Variants in SLC9A9 observed in about 807,000 individuals in gnomAD.
SLC9A9 encodes sodium/hydrogen exchanger 9.
In SLC9A9, 62 loss-of-function variants were observed where a neutral mutation model predicts 77.8. That is an observed-to-expected ratio of 0.80 (90% confidence interval 0.65 to 0.98). SLC9A9 has a LOEUF of 0.98. SLC9A9 is among the 50% of genes least tolerant of loss of function. SLC9A9 has a pLI of 0.00. For missense variants in SLC9A9, 775 were observed against 774.9 expected (o/e 1.00, Z 0.00); for synonymous variants, 320 against 283.5 (o/e 1.13, Z -1.29).
intron 2 of SLC9A9, among the ~76,000 whole-genome samples, chr3:143,798,367 A>G (rs960408892): frequency 6.6e-6 from 1 of 152,084 alleles, no homozygotes; most frequent in Non-Finnish European, 1.5e-5. Flanking sequence ...CACCACAGGG[A>G]CACCTGCCTT....
At chr3:143,801,849 C>T (rs1296849940) in intron 2 of SLC9A9, among the ~76,000 whole-genome samples, 1 of 152,184 alleles carries the variant, frequency 6.6e-6, no homozygotes, top group Non-Finnish European at 1.5e-5. Flanking sequence ...ATATGCCTTC[C>T]ACATCCTGCA....
chr3:143,784,389 G>A (rs144762633), intron 4 of SLC9A9, among the ~76,000 whole-genome samples: 1 of 152,262 alleles, frequency 6.6e-6, no homozygotes, highest in Non-Finnish European at 1.5e-5. Context: ...TGGAATGTCA[G>A]TATGTCTAAT....
chr3:143,847,980 T>C, intron 1 of SLC9A9, 168 bp downstream of exon 1: 1 of 722,118 alleles, frequency 1.4e-6, no homozygotes, highest in Non-Finnish European at 2.3e-6. Context: ...TTTCGGCGGC[T>C]TGTCTGTAAA....
chr3:143,329,726 G>A (rs556700743), intron 14 of SLC9A9, among the ~76,000 whole-genome samples: 40 of 152,120 alleles, frequency 2.6e-4, no homozygotes, highest in Non-Finnish European at 5.1e-4. Flanking sequence ...CCTTTTGGAG[G>A]CTGCTGTTCC....
chr3:143,819,605 G>A (rs2009116202), intron 2 of SLC9A9, among the ~76,000 whole-genome samples: 2 of 152,068 alleles, frequency 1.3e-5, no homozygotes, highest in Admixed American at 1.3e-4. Flanking sequence ...CAATGCAACA[G>A]GAGAAGCCTT....
chr3:143,330,832 G>C (rs1017019261), intron 14 of SLC9A9, among the ~76,000 whole-genome samples: 1 of 152,212 alleles, frequency 6.6e-6, no homozygotes, highest in African/African-American at 2.4e-5. Context: ...CGCAGAACAT[G>C]AAAAGCACTT....
At chr3:143,707,058 T>C (rs865785551) in intron 4 of SLC9A9, among the ~76,000 whole-genome samples, 16 of 152,140 alleles carry the variant, frequency 1.1e-4, no homozygotes, top group Middle Eastern at 3.4e-3. Flanking sequence ...CATAAGTGAG[T>C]GTGTTAAGGT....
chr3:143,414,561 T>A (rs979220526), intron 12 of SLC9A9, among the ~76,000 whole-genome samples: 2 of 152,344 alleles, frequency 1.3e-5, no homozygotes, highest in African/African-American at 4.8e-5. Context: ...GTGATTTGTA[T>A]CCAGTGATCT....
At chr3:143,282,506 A>G (rs573650060) in intron 14 of SLC9A9, among the ~76,000 whole-genome samples, 2 of 152,194 alleles carry the variant, frequency 1.3e-5, no homozygotes, top group East Asian at 1.9e-4. Flanking sequence ...CCTCCTTACA[A>G]TATAAGCCTG....
At chr3:143,304,941 C>T (rs903728848) in intron 14 of SLC9A9, among the ~76,000 whole-genome samples, 1 of 152,142 alleles carries the variant, frequency 6.6e-6, no homozygotes, top group African/African-American at 2.4e-5. Context: ...GTTTATAACT[C>T]AGGGTCAACA....
At position 143,357,996 on chromosome 3, in the gene SLC9A9, A is replaced by G. The variant is rs1006957038; in HGVS notation, c.1604+5488T>C. On this transcript the variant is annotated intron_variant, in intron 14 of 15. Transcript: ENST00000316549. ...GTGTGGGATATAAAAAAATTCTGTC[A>G]AGTTTTAGGAGGGGAAGGTTTTTCT... Among the ~76,000 whole-genome samples the G allele has an allele frequency of 5.3e-5, 8 of 149,752 alleles. No homozygotes were observed. The South Asian group carries it at 6.4e-4, about 12-fold the overall frequency.
intron 9 of SLC9A9, among the ~76,000 whole-genome samples, chr3:143,514,642 T>A (rs1455505232): frequency 6.6e-6 from 1 of 152,252 alleles, no homozygotes. Flanking sequence ...TTTTATGTTA[T>A]GGAGACAGCT....
chr3:143,724,638 A>T (rs1207837320), intron 4 of SLC9A9, among the ~76,000 whole-genome samples: 2 of 152,262 alleles, frequency 1.3e-5, no homozygotes, highest in Non-Finnish European at 2.9e-5. Flanking sequence ...AAACTGAAAC[A>T]AAAAGTAGCT....
chr3:143,658,865 T>G (rs1020936908), intron 5 of SLC9A9, among the ~76,000 whole-genome samples: 1 of 152,236 alleles, frequency 6.6e-6, no homozygotes, highest in African/African-American at 2.4e-5. Flanking sequence ...GTGGGGAATG[T>G]TTTCCAGGTC....
intron 14 of SLC9A9, among the ~76,000 whole-genome samples, chr3:143,340,868 A>G (rs2032077563): frequency 6.6e-6 from 1 of 152,200 alleles, no homozygotes; most frequent in African/African-American, 2.4e-5. Flanking sequence ...AAATGTGAAA[A>G]AGAGAGATTG....
At chr3:143,553,339 T>C (rs1380869127) in intron 8 of SLC9A9, among the ~76,000 whole-genome samples, 1 of 152,148 alleles carries the variant, frequency 6.6e-6, no homozygotes, top group African/African-American at 2.4e-5. Context: ...TGCACTGTAC[T>C]TTGGGTTAAA....
At chr3:143,367,998 C>T (rs955482923) in intron 13 of SLC9A9, among the ~76,000 whole-genome samples, 4 of 152,060 alleles carry the variant, frequency 2.6e-5, no homozygotes, top group African/African-American at 9.7e-5. Flanking sequence ...TAAATGGGAA[C>T]TGGTGAGTCA....
intron 6 of SLC9A9, among the ~76,000 whole-genome samples, chr3:143,650,737 G>A (rs973796068): frequency 2.6e-5 from 4 of 152,134 alleles, no homozygotes; most frequent in African/African-American, 9.7e-5. Flanking sequence ...CTCTTGCCAT[G>A]GTGTGAAACA....
chr3:143,405,195 T>C (rs1241770705), intron 12 of SLC9A9, among the ~76,000 whole-genome samples: 2 of 152,198 alleles, frequency 1.3e-5, no homozygotes, highest in African/African-American at 4.8e-5. Context: ...TTGTTGCTAG[T>C]TGTTTCAAGT....
Sources: gnomAD v4.1 joint callset for allele counts (sites outside exome capture counted in the v4.1 genomes callset) on GRCh38, gnomAD v4.1.1 for gene constraint, MANE v1.5 for transcripts, NCBI Gene and HGNC (gene_info 2026-07-23, HGNC 2026-07-21) for gene names.